The following WWOX variants were observed in gnomAD, a reference collection of about 807,000 sequenced individuals.
WWOX encodes WW domain-containing oxidoreductase.
Under a neutral mutation model 46.2 loss-of-function variants are expected in WWOX, and 69 were observed. That is an observed-to-expected ratio of 1.49 (90% confidence interval 1.23 to 1.82). WWOX has a LOEUF of 1.82. Ranked by LOEUF, WWOX falls within the 40% of genes most tolerant of loss-of-function variation. The pLI is 0.00. For synonymous variants in WWOX, 359 were observed against 202.6 expected, an observed-to-expected ratio of 1.77 and a Z score of -6.56; for missense variants, 919 against 542.6, an observed-to-expected ratio of 1.69 and a Z score of -6.89.
rs1348620104 is a variant in WWOX, at chr16:78,358,692, G to GTA, written c.517-28167_517-28166insAT. Among the ~76,000 whole-genome samples the GTA allele has an allele frequency of 6.8e-5, 10 of 147,366 alleles. No homozygotes were observed. In the East Asian group the frequency reaches 7.9e-4, roughly 12 times the overall value. ...ATAATATGTGTGTGTGTGTGTGTGT[G>GTA]TGTATGTACATGAATTATATACAAA... is the stretch of plus-strand genomic sequence containing the variant. On this transcript the variant is annotated intron_variant, in intron 5 of 8. Coordinates refer to ENST00000566780, the MANE Select transcript of WWOX (RefSeq NM_016373.4).
chr16:78,328,768 A>G (rs1276065198), intron 5 of WWOX, among the ~76,000 whole-genome samples: 1 of 152,128 alleles, frequency 6.6e-6, no homozygotes, highest in African/African-American at 2.4e-5. Flanking sequence ...CCACACCCTC[A>G]GCACCTCCAG....
At chr16:78,946,020 A>T (rs896706484) in intron 8 of WWOX, among the ~76,000 whole-genome samples, 1 of 152,100 alleles carries the variant, frequency 6.6e-6, no homozygotes, top group Admixed American at 6.6e-5. Context: ...AGAGCCGCTG[A>T]TCTGCATAGC....
chr16:78,675,772 G>C (rs889817109), intron 8 of WWOX, among the ~76,000 whole-genome samples: 1 of 152,178 alleles, frequency 6.6e-6, no homozygotes, highest in Non-Finnish European at 1.5e-5. Flanking sequence ...CCAGGAGTTT[G>C]AGACCAGCCT....
At chr16:78,936,677 G>C (rs1342) in intron 8 of WWOX, among the ~76,000 whole-genome samples, 1 of 151,900 alleles carries the variant, frequency 6.6e-6, no homozygotes, top group Non-Finnish European at 1.5e-5. Flanking sequence ...GGAAAGCAAC[G>C]TACCCTAGGT....
chr16:78,438,855 T>C (rs766121790), intron 8 of WWOX, among the ~76,000 whole-genome samples: 20 of 152,160 alleles, frequency 1.3e-4, no homozygotes, highest in Admixed American at 1.1e-3. Flanking sequence ...TGCAAAGTTA[T>C]AAATTATAAC....
chr16:79,109,871 A>C (rs537609911), intron 8 of WWOX, among the ~76,000 whole-genome samples: 2 of 152,198 alleles, frequency 1.3e-5, no homozygotes, highest in Admixed American at 6.5e-5. Context: ...ACTGCAGTAC[A>C]AGATTTGGCA....
At chr16:78,246,000 C>T (rs756823978) in intron 5 of WWOX, among the ~76,000 whole-genome samples, 4 of 152,148 alleles carry the variant, frequency 2.6e-5, no homozygotes, top group Non-Finnish European at 4.4e-5. Flanking sequence ...ATTTTGCAAA[C>T]GTCTCATTCT....
chr16:78,508,467 C>G (rs2085273231), intron 8 of WWOX, among the ~76,000 whole-genome samples: 1 of 152,090 alleles, frequency 6.6e-6, no homozygotes, highest in African/African-American at 2.4e-5. Context: ...AGCCATCTAG[C>G]TGCAAGACGT....
intron 6 of WWOX, among the ~76,000 whole-genome samples, chr16:78,418,983 A>G (rs1028632629): frequency 2.0e-5 from 3 of 152,246 alleles, no homozygotes; most frequent in African/African-American, 4.8e-5. Context: ...TGGAAAAAAA[A>G]GATCCAGATT....
At chr16:78,940,856 C>G (rs914787094) in intron 8 of WWOX, among the ~76,000 whole-genome samples, 2 of 151,900 alleles carry the variant, frequency 1.3e-5, no homozygotes, top group East Asian at 1.9e-4. Context: ...CAGCTTCATT[C>G]TAATAAGTTG....
chr16:78,270,872 G>A (rs1162549000), intron 5 of WWOX, among the ~76,000 whole-genome samples: 1 of 152,090 alleles, frequency 6.6e-6, no homozygotes, highest in Admixed American at 6.5e-5. Flanking sequence ...GAGACGATAC[G>A]TGGCCCGAAG....
chr16:79,122,462 T>C (rs116019641), intron 8 of WWOX, among the ~76,000 whole-genome samples: 3,186 of 152,160 alleles, frequency 0.021, 120 homozygotes, highest in African/African-American at 0.073. Context: ...TTTTCTTCTT[T>C]TTCTGTTTCT....
chr16:78,443,975 T>G (rs2083502223), intron 8 of WWOX, among the ~76,000 whole-genome samples: 1 of 152,178 alleles, frequency 6.6e-6, no homozygotes, highest in South Asian at 2.1e-4. Flanking sequence ...CTGGAATGTT[T>G]CTTCTGTGAA....
rs2048388435 is a variant in WWOX, at chr16:79,063,381, G to A, written c.1057-148227G>A. 3.9e-5 allele frequency among the ~76,000 whole-genome samples: 6 copies of A among 152,272 alleles called. No homozygotes were observed. In the South Asian group the frequency reaches 1.2e-3, roughly 32 times the overall value. The stretch of plus-strand genomic sequence containing the variant: ...TCTTGGCCCCATCACATCACAACAG[G>A]CTGAATGCTGTCCACAGGTTGCCAG... On this transcript the variant is annotated intron_variant, in intron 8 of 8. Transcript: ENST00000566780.
At chr16:78,307,824 C>T (rs950762755) in intron 5 of WWOX, among the ~76,000 whole-genome samples, 12 of 152,162 alleles carry the variant, frequency 7.9e-5, no homozygotes, top group African/African-American at 2.9e-4. Context: ...CCTTACTCTT[C>T]TCCTTTTACT....
chr16:79,103,045 T>C lies in WWOX; in HGVS notation c.1057-108563T>C, dbSNP rs1483535688. Among the ~76,000 whole-genome samples, 3 of 152,218 alleles carry C rather than the reference T, an allele frequency of 2.0e-5. No individual in the cohort carries two copies. The East Asian group carries it at 5.8e-4, about 29-fold the overall frequency. ...TCTTTGTGTCCTTGTTTCCATTTGC[T>C]TCTTGCTTTGGGCAAGTTCTCACCA... On this transcript the variant is annotated intron_variant, in intron 8 of 8. Transcript: ENST00000566780.
At chr16:78,886,013 C>T (rs937515523) in intron 8 of WWOX, among the ~76,000 whole-genome samples, 2 of 150,322 alleles carry the variant, frequency 1.3e-5, no homozygotes, top group South Asian at 2.1e-4. Context: ...CAACCTCTGC[C>T]TCCCAAGTTC....
chr16:78,688,123 A>G (rs2047903891), intron 8 of WWOX, among the ~76,000 whole-genome samples: 1 of 152,144 alleles, frequency 6.6e-6, no homozygotes, highest in East Asian at 1.9e-4. Context: ...TATATCTTAA[A>G]GTTTTCTGCA....
At chr16:78,896,195 A>G (rs1008651022) in intron 8 of WWOX, 2 of 152,040 alleles carry the variant, frequency 1.3e-5, no homozygotes, top group Non-Finnish European at 2.9e-5. Flanking sequence ...TTTAAACATA[A>G]TTATATCCGG....
Sources: gnomAD v4.1 joint callset for allele counts (sites outside exome capture counted in the v4.1 genomes callset) on GRCh38, gnomAD v4.1.1 for gene constraint, MANE v1.5 for transcripts, NCBI Gene and HGNC (gene_info 2026-07-23, HGNC 2026-07-21) for gene names.